The following ZMYM2 variants were observed in gnomAD, a reference collection of about 807,000 sequenced individuals.
The protein encoded by ZMYM2 is zinc finger MYM-type containing 2.
ZMYM2 carries 56 observed loss-of-function variants against 162.8 expected under a neutral mutation model. That is an observed-to-expected ratio of 0.34 (90% CI 0.28 to 0.43). ZMYM2 has a LOEUF of 0.43. Among genes scored for constraint, ZMYM2 ranks in the 20% least tolerant of loss-of-function variants. The probability of loss-of-function intolerance (pLI) is 1.00; values close to 1 mark genes in which losing one functional copy is unlikely to be tolerated. For missense variants in ZMYM2, 1,275 were observed against 1,621.8 expected, an observed-to-expected ratio of 0.79 and a Z score of 3.67; for synonymous variants, 510 against 541.6, an observed-to-expected ratio of 0.94 and a Z score of 0.81.
At chr13:20,064,772 GTAA>G (rs1289809380) in intron 19 of ZMYM2, among the ~76,000 whole-genome samples, 9 of 141,946 alleles carry the variant, frequency 6.3e-5, no homozygotes, top group Non-Finnish European at 1.3e-4. Context: ...ACTATTTCTA[GTAA>G]TAATAGTAGT....
At chr13:19,970,935 G>A (rs528805842) in intron 2 of ZMYM2, among the ~76,000 whole-genome samples, 62 of 151,478 alleles carry the variant, frequency 4.1e-4, no homozygotes, top group Non-Finnish European at 6.6e-4. Context: ...CATTTAAGCA[G>A]AGAATAGACG....
At chr13:20,062,571 T>C (rs1026948923) in intron 17 of ZMYM2, among the ~76,000 whole-genome samples, 14 of 152,296 alleles carry the variant, frequency 9.2e-5, no homozygotes, top group African/African-American at 2.6e-4. Flanking sequence ...TTGAAGTTGT[T>C]TTACTATCAA....
At chr13:19,978,987 G>A (rs759124591) in intron 2 of ZMYM2, among the ~76,000 whole-genome samples, 1 of 151,906 alleles carries the variant, frequency 6.6e-6, no homozygotes, top group Non-Finnish European at 1.5e-5. Context: ...CCTTATTTTT[G>A]GAGGGATGTT....
intron 21 of ZMYM2, among the ~76,000 whole-genome samples, chr13:20,074,709 T>G (rs1391402803): frequency 6.6e-6 from 1 of 152,042 alleles, no homozygotes; most frequent in Non-Finnish European, 1.5e-5. Context: ...CGGCTAATTT[T>G]TTGTATTTTT....
At chr13:20,032,659 A>G (rs1953300211) in intron 10 of ZMYM2, among the ~76,000 whole-genome samples, 2 of 116,878 alleles carry the variant, frequency 1.7e-5, no homozygotes, top group South Asian at 5.8e-4. Context: ...CCCAGGCTGG[A>G]GTACAATGGC....
the ZMYM2 span, among the ~76,000 whole-genome samples, chr13:19,918,852 G>A: frequency 3.3e-5 from 5 of 151,994 alleles, no homozygotes; most frequent in African/African-American, 1.2e-4. Context: ...TTTTTTTCAA[G>A]TTTACTGCTG....
At chr13:19,884,321 AC>A in the ZMYM2 span, among the ~76,000 whole-genome samples, 1 of 151,948 alleles carries the variant, frequency 6.6e-6, no homozygotes, top group East Asian at 1.9e-4. Flanking sequence ...CGCTTGTTAT[AC>A]CCCCGCACTT....
At chr13:20,009,988 A>G (rs1234059244) in intron 6 of ZMYM2, among the ~76,000 whole-genome samples, 1 of 152,146 alleles carries the variant, frequency 6.6e-6, no homozygotes, top group Non-Finnish European at 1.5e-5. Flanking sequence ...TTGTCAAACT[A>G]TTTTACACAA....
At chr13:20,030,612 A>G (rs935135659) in intron 9 of ZMYM2, among the ~76,000 whole-genome samples, 2 of 151,956 alleles carry the variant, frequency 1.3e-5, no homozygotes, top group East Asian at 1.9e-4. Context: ...GTTAGCCAGG[A>G]TGGTCTCGAT....
chr13:19,993,940 T>C, intron 3 of ZMYM2, 21 bp downstream of exon 3: 2 of 1,578,124 alleles, frequency 1.3e-6, no homozygotes, highest in Non-Finnish European at 1.7e-6. Flanking sequence ...AGAGATACTC[T>C]ACTTCATGTA....
chr13:19,895,405 A>G, the ZMYM2 span, among the ~76,000 whole-genome samples: 1 of 151,982 alleles, frequency 6.6e-6, no homozygotes, highest in East Asian at 1.9e-4. Flanking sequence ...GGTAATTCAT[A>G]AAGAAAAGAA....
intron 2 of ZMYM2, chr13:19,965,094 A>T (rs1312495979): frequency 6.8e-6 from 3 of 440,528 alleles, no homozygotes; most frequent in Non-Finnish European, 1.0e-5. Context: ...AATAAAAAAA[A>T]AAAAAGAAAA....
chr13:19,899,635 G>C, the ZMYM2 span, among the ~76,000 whole-genome samples: 1 of 151,332 alleles, frequency 6.6e-6, no homozygotes, highest in Admixed American at 6.6e-5. Flanking sequence ...GGCCAACATG[G>C]GGAAACTCTG....
At chr13:20,029,184 T>C (rs187969261) in intron 9 of ZMYM2, among the ~76,000 whole-genome samples, 48 of 152,336 alleles carry the variant, frequency 3.2e-4, no homozygotes, top group Non-Finnish European at 6.0e-4. Context: ...ACTGGCAATT[T>C]GTTGTCCGTT....
intron 6 of ZMYM2, among the ~76,000 whole-genome samples, chr13:20,018,113 A>G (rs921290754): frequency 2.0e-5 from 3 of 152,252 alleles, no homozygotes; most frequent in Admixed American, 2.0e-4. Context: ...TCCTTTCTGG[A>G]CATTAGCTGA....
In ZMYM2 at chr13:20,027,251, A is replaced by G. The variant is rs1041957524; in HGVS notation, c.1784A>G (p.Tyr595Cys). 1 of 1,585,168 alleles carries G rather than the reference A, an allele frequency of 6.3e-7. No homozygotes were observed. Among genetic ancestry groups the G allele is most frequent in the Non-Finnish European group, 8.6e-7 (1 of 1,163,856 alleles). Residue 595 changes from tyrosine (Y) to cysteine (C), a missense_variant, in exon 9 of 25, where the codon TAC becomes TGC. Tyr to Cys is a radical substitution (Grantham distance 194). This residue lies in a region of ZMYM2 where 276 missense variants were observed against 311.8 expected (regional missense o/e 0.89). Transcript: ENST00000610343. ...HFCKRNSLPQYQATMPDGKLY... is the reference protein window; with the variant it reads ...HFCKRNSLPQCQATMPDGKLY... Reference sequence around the variant, plus strand: ...TGTAAGCGAAACTCTTTACCTCAATACCAAGCCACAATGCCTGATGGAAAA... The same window carrying G: ...TGTAAGCGAAACTCTTTACCTCAATGCCAAGCCACAATGCCTGATGGAAAA...
At chr13:20,006,727 C>G (rs1950773483) in intron 6 of ZMYM2, 141 bp downstream of exon 6, 1 of 867,862 alleles carries the variant, frequency 1.2e-6, no homozygotes. Context: ...TATCATGGAG[C>G]ATACTGAATG....
intron 9 of ZMYM2, chr13:20,028,047 A>T (rs1352753889): frequency 5.6e-6 from 1 of 178,984 alleles, no homozygotes; most frequent in Non-Finnish European, 1.2e-5. Flanking sequence ...TTCATCCAAC[A>T]ATTCTGCTTT....
At chr13:20,011,553 G>A (rs2140055636) in intron 6 of ZMYM2, among the ~76,000 whole-genome samples, 2 of 150,894 alleles carry the variant, frequency 1.3e-5, no homozygotes, top group South Asian at 4.2e-4. Context: ...CCTTTGATGT[G>A]CAGAAGTTTT....
Sources: allele counts gnomAD v4.1 joint callset (sites outside exome capture counted in the v4.1 genomes callset), GRCh38; gene constraint gnomAD v4.1.1; regional missense constraint gnomAD v4.1.1; transcripts MANE v1.5; gene names NCBI Gene and HGNC (gene_info 2026-07-23, HGNC 2026-07-21).